Variants in NCKAP5 observed in about 807,000 individuals in gnomAD.
NCKAP5 encodes nck-associated protein 5.
Under a neutral mutation model 167.0 loss-of-function variants are expected in NCKAP5, and 92 were observed. The ratio of observed to expected loss-of-function variants is 0.55; its 90% CI spans 0.47 to 0.66. The LOEUF is 0.66. NCKAP5 is among the 30% of genes least tolerant of loss of function. The pLI is 0.00. For synonymous variants in NCKAP5, 891 were observed against 877.4 expected, an observed-to-expected ratio of 1.02 and a Z score of -0.27; for missense variants, 2,378 against 2,315.0, an observed-to-expected ratio of 1.03 and a Z score of -0.56.
intron 6 of NCKAP5, among the ~76,000 whole-genome samples, chr2:133,028,026 G>A (rs2078755348): frequency 6.6e-6 from 1 of 152,146 alleles, no homozygotes; most frequent in Non-Finnish European, 1.5e-5. Context: ...CAAAGGAAAT[G>A]CTCATTGGAG....
chr2:133,064,878 A>T (rs2080134739), intron 6 of NCKAP5, among the ~76,000 whole-genome samples: 1 of 152,236 alleles, frequency 6.6e-6, no homozygotes, highest in Admixed American at 6.5e-5. Context: ...GGAACTTAAA[A>T]GTTTATTAAA....
chr2:132,918,118 C>T lies in NCKAP5; in HGVS notation c.580-39202G>A, dbSNP rs550106137. Among the ~76,000 whole-genome samples, 27 of 152,174 alleles carry T rather than the reference C, an allele frequency of 1.8e-4. No individual in the cohort carries two copies. The East Asian group carries it at 4.2e-3, about 24-fold the overall frequency. On this transcript the variant is annotated intron_variant, in intron 8 of 19. Coordinates refer to ENST00000409261, the MANE Select transcript of NCKAP5 (RefSeq NM_207363.3). Reference sequence around the variant, plus strand: ...CTCCTTAAATTTTGCATGTAAAAACCCATGGGTTGGGAAACTTTCAATTTC... The same window carrying T: ...CTCCTTAAATTTTGCATGTAAAAACTCATGGGTTGGGAAACTTTCAATTTC...
At chr2:133,255,434 T>C (rs1187288111) in intron 4 of NCKAP5, among the ~76,000 whole-genome samples, 3 of 152,234 alleles carry the variant, frequency 2.0e-5, no homozygotes, top group Non-Finnish European at 2.9e-5. Flanking sequence ...TGGTTTCTAC[T>C]GAATAGCTAC....
the NCKAP5 span, among the ~76,000 whole-genome samples, chr2:133,578,176 T>C: frequency 3.9e-4 from 59 of 152,326 alleles, 2 homozygotes; most frequent in South Asian, 0.012. Context: ...TGGTTTCCTC[T>C]ATATCTTGTT....
At chr2:133,589,039 A>G in the NCKAP5 span, among the ~76,000 whole-genome samples, 1 of 152,186 alleles carries the variant, frequency 6.6e-6, no homozygotes, top group African/African-American at 2.4e-5. Flanking sequence ...GACTCCAAGT[A>G]AGATGTGGAC....
chr2:133,650,761 A>G, the NCKAP5 span, among the ~76,000 whole-genome samples: 3 of 152,122 alleles, frequency 2.0e-5, no homozygotes, highest in Non-Finnish European at 4.4e-5. Flanking sequence ...GGGCGCCTGT[A>G]ATCCCAGCTA....
upstream of NCKAP5, among the ~76,000 whole-genome samples, chr2:133,571,464 G>A (rs192378440): frequency 2.2e-3 from 337 of 152,170 alleles, 1 homozygote; most frequent in African/African-American, 7.1e-3. Context: ...TTGTCTCCCC[G>A]CCTCCTGCCC....
intron 6 of NCKAP5, among the ~76,000 whole-genome samples, chr2:133,060,411 A>G (rs2079957975): frequency 6.6e-6 from 1 of 152,214 alleles, no homozygotes; most frequent in South Asian, 2.1e-4. Flanking sequence ...GCTTACACAA[A>G]ATCCCAGATA....
chr2:133,302,862 C>T (rs1190540053), intron 4 of NCKAP5, among the ~76,000 whole-genome samples, 175 bp downstream of exon 4: 4 of 152,008 alleles, frequency 2.6e-5, no homozygotes, highest in African/African-American at 2.4e-5. Context: ...AATTTGGGCT[C>T]TAGTTTTCAC....
intron 5 of NCKAP5, among the ~76,000 whole-genome samples, chr2:133,137,596 T>C (rs973882789): frequency 7.2e-5 from 11 of 152,230 alleles, no homozygotes; most frequent in African/African-American, 2.6e-4. Flanking sequence ...ACAGGAGCTC[T>C]ATAACAGAAA....
intron 4 of NCKAP5, among the ~76,000 whole-genome samples, chr2:133,252,655 C>A (rs758609340): frequency 2.0e-5 from 3 of 152,156 alleles, no homozygotes; most frequent in Non-Finnish European, 4.4e-5. Flanking sequence ...TTTCTATGCC[C>A]CTGGGGGTCT....
chr2:132,876,630 C>T (rs981524197), intron 9 of NCKAP5, among the ~76,000 whole-genome samples: 1 of 152,132 alleles, frequency 6.6e-6, no homozygotes, highest in East Asian at 1.9e-4. Flanking sequence ...ATAAAACAAC[C>T]TGCATGTGTA....
chr2:132,848,890 GT>G (rs914696608), intron 11 of NCKAP5, among the ~76,000 whole-genome samples: 153 of 151,940 alleles, frequency 1.0e-3, no homozygotes, highest in African/African-American at 3.5e-3. Context: ...AAAAACAACT[GT>G]TTTTTTTAAA....
At chr2:132,682,379 A>C (rs80236524) in intron 19 of NCKAP5, among the ~76,000 whole-genome samples, 164 of 152,222 alleles carry the variant, frequency 1.1e-3, no homozygotes, top group African/African-American at 3.5e-3. Context: ...TGAATACTTA[A>C]ATGGGGAGTC....
At chr2:133,262,814 G>A (rs34737153) in intron 4 of NCKAP5, among the ~76,000 whole-genome samples, 1,946 of 152,244 alleles carry the variant, frequency 0.013, 16 homozygotes, top group Non-Finnish European at 0.019. Flanking sequence ...TAAAAAGCAG[G>A]AAGGCTTGTT....
chr2:133,218,860 T>C (rs569521894), intron 4 of NCKAP5, among the ~76,000 whole-genome samples: 6 of 152,342 alleles, frequency 3.9e-5, no homozygotes, highest in Admixed American at 3.3e-4. Context: ...CACACTGTAA[T>C]GTGCTTCTCA....
intron 5 of NCKAP5, among the ~76,000 whole-genome samples, chr2:133,206,858 G>T (rs58983102): frequency 6.6e-6 from 1 of 151,998 alleles, no homozygotes; most frequent in Non-Finnish European, 1.5e-5. Flanking sequence ...GCTGCTCTGG[G>T]AGTGTCTGTC....
chr2:132,794,244 A>G (rs1454940834), intron 12 of NCKAP5, among the ~76,000 whole-genome samples: 6 of 59,086 alleles, frequency 1.0e-4, no homozygotes, highest in East Asian at 4.7e-4. Context: ...ATATATATAT[A>G]TATATATATA....
chr2:133,547,637 G>A (rs184774365), intron 2 of NCKAP5, among the ~76,000 whole-genome samples: 6,432 of 151,368 alleles, frequency 0.042, 481 homozygotes, highest in African/African-American at 0.15. Context: ...TCACACGGCA[G>A]GGTATTCCAA....
Sources: allele counts gnomAD v4.1 joint callset (sites outside exome capture counted in the v4.1 genomes callset), GRCh38; gene constraint gnomAD v4.1.1; transcripts MANE v1.5; gene names NCBI Gene and HGNC (gene_info 2026-07-23, HGNC 2026-07-21).